Variants in TRIM37 observed in about 807,000 individuals in gnomAD.
The protein encoded by TRIM37 is E3 ubiquitin-protein ligase TRIM37.
A neutral mutation model predicts 129.8 loss-of-function variants in TRIM37; 80 were observed. That is an observed-to-expected ratio of 0.62 (90% CI 0.51 to 0.74). The LOEUF is 0.74. TRIM37 is among the 30% of genes least tolerant of loss of function. TRIM37 has a pLI of 0.00. For synonymous variants in TRIM37, 389 were observed against 387.1 expected (o/e 1.00, Z -0.06); for missense variants, 1,054 against 1,176.5 (o/e 0.90, Z 1.52).
intron 18 of TRIM37, among the ~76,000 whole-genome samples, chr17:59,030,977 G>A (rs554785156): frequency 6.6e-6 from 1 of 152,250 alleles, no homozygotes; most frequent in Non-Finnish European, 1.5e-5. Context: ...ACACATAAAA[G>A]GCAACTGTTT....
chr17:59,029,179 G>A (rs567351746), intron 18 of TRIM37, among the ~76,000 whole-genome samples: 1 of 152,270 alleles, frequency 6.6e-6, no homozygotes, highest in African/African-American at 2.4e-5. Flanking sequence ...TGTAATCCCA[G>A]CACTTCAGGA....
exon 25 of TRIM37, chr17:58,982,848 C>T (rs2031441691): frequency 1.3e-6 from 2 of 1,491,084 alleles, no homozygotes; most frequent in Non-Finnish European, 1.8e-6. Context: ...ATGGTCCTCA[C>T]TCATATCTGT....
chr17:59,101,695 TACAC>T (rs927750157), intron 2 of TRIM37, among the ~76,000 whole-genome samples: 177 of 89,644 alleles, frequency 2.0e-3, no homozygotes, highest in African/African-American at 5.9e-3. Context: ...TATATATATA[TACAC>T]ACACACACAC....
chr17:59,060,993 A>G lies in TRIM37; in HGVS notation c.1019+39T>C, dbSNP rs771895440. 4 of 1,503,324 alleles carry G rather than the reference A, an allele frequency of 2.7e-6. No individual in the cohort carries two copies. In the East Asian group the frequency reaches 9.1e-5, roughly 34 times the overall value. 93.1% of individuals were successfully genotyped at this position (1,503,324 alleles called of 1,614,324 possible). On this transcript the variant is annotated intron_variant, in intron 12 of 23. Transcript: ENST00000262294. ...AAAAATTGCTAGGGGGAAGGTATGT[A>G]AATGCACATTAAGGTTGTTATTTAA...
intron 2 of TRIM37, among the ~76,000 whole-genome samples, chr17:59,098,116 G>C (rs1393016117): frequency 6.6e-6 from 1 of 152,110 alleles, no homozygotes; most frequent in East Asian, 1.9e-4. Flanking sequence ...GAACAGAATA[G>C]AGAGGTAGAA....
chr17:58,994,108 A>G (rs2032730995), downstream of TRIM37, among the ~76,000 whole-genome samples: 1 of 152,206 alleles, frequency 6.6e-6, no homozygotes. Flanking sequence ...GTAGCTAATG[A>G]GAGCTAGGCT....
intron 13 of TRIM37, among the ~76,000 whole-genome samples, 155 bp downstream of exon 13, chr17:59,056,720 A>AAAAAAAAAAAAG (rs2040941969): frequency 8.7e-6 from 1 of 115,016 alleles, no homozygotes; most frequent in South Asian, 2.4e-4. Context: ...TGTCTCCAAA[A>AAAAAAAAAAAAG]AAAAAAAAAA....
rs2040127401 is a variant in TRIM37 at position 59,049,326 on chromosome 17, C to A, written c.1382G>T (p.Ser461Ile). Residue 461 changes from serine (S) to isoleucine (I), a missense_variant, in exon 15 of 24, where the codon AGC (serine) becomes ATC (isoleucine). Coordinates refer to ENST00000262294, the MANE Select transcript of TRIM37 (RefSeq NM_015294.6). ...CTCCAGAGCATCATCATTTTGGGGG[C>A]TAAGATGGTTATCTGGTGGTGACAA... ...RDLSPPDNHL[S>I]PQNDDALETR... is the part of the protein sequence containing the mutation. 6.2e-7 allele frequency: 1 copy of A among 1,613,910 alleles called. No individual in the cohort carries two copies.
In TRIM37 at chr17:59,045,559, A is replaced by C. The variant is rs570875608; in HGVS notation, c.1667+2124T>G. On this transcript the variant is annotated intron_variant, in intron 16 of 23. Coordinates refer to ENST00000262294, the MANE Select transcript of TRIM37 (RefSeq NM_015294.6). Reference sequence around the variant, plus strand: ...GAGGCTGAGGCAGGAGAATCGCCTGAACCCGGGAGGCGGAGGTTGCAGTGA... The same window carrying C: ...GAGGCTGAGGCAGGAGAATCGCCTGCACCCGGGAGGCGGAGGTTGCAGTGA... Among the ~76,000 whole-genome samples the C allele has an allele frequency of 3.3e-5, 5 of 151,720 alleles. No homozygotes were observed. In the South Asian group the frequency reaches 1.0e-3, roughly 32 times the overall value.
intron 16 of TRIM37, among the ~76,000 whole-genome samples, chr17:59,045,494 C>A (rs548805592): frequency 6.6e-5 from 10 of 151,386 alleles, no homozygotes; most frequent in African/African-American, 1.9e-4. Flanking sequence ...AAAAAATTAG[C>A]TGGGTGTGGT....
At chr17:59,025,722 T>A (rs1428351417) in intron 19 of TRIM37, among the ~76,000 whole-genome samples, 1 of 152,134 alleles carries the variant, frequency 6.6e-6, no homozygotes, top group Non-Finnish European at 1.5e-5. Flanking sequence ...GAATATTAAG[T>A]GGACCTGTAC....
chr17:58,982,725 A>AT, exon 25 of TRIM37: 1 of 526,930 alleles, frequency 1.9e-6, no homozygotes, highest in South Asian at 3.3e-5. Flanking sequence ...TTTTCTCTTG[A>AT]TTTTGAAGTC....
intron 17 of TRIM37, among the ~76,000 whole-genome samples, chr17:59,037,132 A>T (rs2038609469): frequency 6.6e-6 from 1 of 151,910 alleles, no homozygotes; most frequent in African/African-American, 2.4e-5. Context: ...AAAACAAAAC[A>T]AAACAAAAAC....
intron 13 of TRIM37, among the ~76,000 whole-genome samples, chr17:59,051,877 C>A (rs1300321922): frequency 1.3e-5 from 2 of 152,026 alleles, no homozygotes; most frequent in Admixed American, 6.5e-5. Flanking sequence ...ACTACAGGCG[C>A]CCGCCACTAC....
At chr17:59,008,124 G>A (rs1046595424) in intron 22 of TRIM37, among the ~76,000 whole-genome samples, 3 of 152,218 alleles carry the variant, frequency 2.0e-5, no homozygotes, top group Non-Finnish European at 4.4e-5. Flanking sequence ...AGGAGGCACA[G>A]GGCTTCCTTT....
chr17:59,093,867 T>C (rs2044623187), intron 2 of TRIM37, among the ~76,000 whole-genome samples: 2 of 152,170 alleles, frequency 1.3e-5, no homozygotes, highest in Admixed American at 6.6e-5. Context: ...ATATTTGTGG[T>C]ATTTTTATCT....
At chr17:59,030,599 CTA>C (rs1307450276) in intron 18 of TRIM37, among the ~76,000 whole-genome samples, 1 of 152,134 alleles carries the variant, frequency 6.6e-6, no homozygotes, top group East Asian at 1.9e-4. Flanking sequence ...ACACAGAAAA[CTA>C]GTTTTACACA....
chr17:59,016,632 C>T (rs1173184215), intron 20 of TRIM37, among the ~76,000 whole-genome samples: 2 of 100,392 alleles, frequency 2.0e-5, no homozygotes, highest in Non-Finnish European at 3.8e-5. Context: ...AAAAAAAAAG[C>T]CAGGTATGGC....
chr17:59,083,369 C>T (rs1228550339), intron 5 of TRIM37, among the ~76,000 whole-genome samples: 2 of 149,172 alleles, frequency 1.3e-5, no homozygotes, highest in African/African-American at 5.0e-5. Context: ...ACCCGGGAGG[C>T]GGAGGTTGCA....
Sources: allele counts gnomAD v4.1 joint callset (sites outside exome capture counted in the v4.1 genomes callset), GRCh38; gene constraint gnomAD v4.1.1; transcripts MANE v1.5; gene names NCBI Gene and HGNC (gene_info 2026-07-23, HGNC 2026-07-21).